NAA50: variants seen among roughly 807,000 people sequenced by gnomAD.
The protein encoded by NAA50 is N-alpha-acetyltransferase 50.
NAA50 carries 7 observed loss-of-function variants against 20.7 expected under a neutral mutation model. That is an observed-to-expected ratio of 0.34 (90% CI 0.19 to 0.63). The LOEUF (loss-of-function observed/expected upper bound fraction) is 0.63. Among genes scored for constraint, NAA50 ranks in the 30% least tolerant of loss-of-function variants. NAA50 has a pLI of 0.75. For synonymous variants in NAA50, 54 were observed against 70.6 expected (o/e 0.77, Z 1.18); for missense variants, 111 against 199.1 (o/e 0.56, Z 2.66).
chr3:113,725,100 G>C (rs1708184952), intron 1 of NAA50, among the ~76,000 whole-genome samples: 1 of 152,192 alleles, frequency 6.6e-6, no homozygotes, highest in Non-Finnish European at 1.5e-5. Flanking sequence ...CCATGGAAAA[G>C]ATTAAAGCGA....
intron 1 of NAA50, among the ~76,000 whole-genome samples, chr3:113,725,344 TAAC>T (rs1189759343): frequency 2.6e-5 from 4 of 152,226 alleles, no homozygotes; most frequent in Admixed American, 6.5e-5. Flanking sequence ...CAACTATATT[TAAC>T]AACGGACTTT....
chr3:113,729,694 C>G (rs908660495), intron 1 of NAA50, among the ~76,000 whole-genome samples: 1 of 151,952 alleles, frequency 6.6e-6, no homozygotes, highest in African/African-American at 2.4e-5. Context: ...AAATGCATGC[C>G]ACCACTTTCA....
intron 1 of NAA50, among the ~76,000 whole-genome samples, chr3:113,738,846 A>G (rs1288562126): frequency 2.0e-5 from 3 of 152,176 alleles, no homozygotes; most frequent in African/African-American, 7.2e-5. Flanking sequence ...TAAGTACAAA[A>G]TATTTTCCTT....
intron 1 of NAA50, chr3:113,740,994 C>T: frequency 2.0e-6 from 1 of 506,648 alleles, no homozygotes; most frequent in Non-Finnish European, 4.0e-6. Flanking sequence ...CACTGTATCT[C>T]CTTCTTTTAC....
rs115413286 is a variant in NAA50 at position 113,743,310 on chromosome 3, G to A, written c.8+2632C>T. ...GGGACTTCCGCAGTTTCCAATTTTA[G>A]ATATTTCAATTTACTGTTTACTTAC... On this transcript the variant is annotated intron_variant, in intron 1 of 4. Coordinates refer to ENST00000240922, the MANE Select transcript of NAA50 (RefSeq NM_025146.4). Among the ~76,000 whole-genome samples the A allele has an allele frequency of 8.8e-3, 1,336 of 152,246 alleles. 16 individuals are homozygous for A. The highest frequency in any genetic ancestry group is 0.03 in the African/African-American group (1,266 of 41,540).
At chr3:113,739,817 GT>G (rs1708389331) in intron 1 of NAA50, among the ~76,000 whole-genome samples, 1 of 152,118 alleles carries the variant, frequency 6.6e-6, no homozygotes, top group Admixed American at 6.6e-5. Context: ...AAAAGATCCT[GT>G]TTTATACAAC....
At chr3:113,735,935 C>T (rs1708335134) in intron 1 of NAA50, among the ~76,000 whole-genome samples, 2 of 152,210 alleles carry the variant, frequency 1.3e-5, no homozygotes, top group South Asian at 2.1e-4. Context: ...GGTCTCTCAC[C>T]TCGGCCCCCG....
chr3:113,740,663 A>G (rs1708402333), intron 1 of NAA50, among the ~76,000 whole-genome samples: 1 of 152,168 alleles, frequency 6.6e-6, no homozygotes, highest in African/African-American at 2.4e-5. Flanking sequence ...AGTGTGAGCC[A>G]CAGTACCCAG....
rs757140602 is a variant in NAA50, at chr3:113,724,026, G to T, written c.78C>A (p.Ile26=). The stretch of plus-strand genomic sequence containing the variant: ...ACTTGTCATTGTAGCTGACTGGAAA[G>T]ATGACCTGATTCAATCTTTTCAACT... ...IKQLKRLNQV[I]FPVSYNDKFY... Residue 26 remains isoleucine, a synonymous_variant, in exon 2 of 5, where the codon ATC becomes ATA. Transcript: ENST00000240922. 20 of 1,611,656 alleles carry T rather than the reference G, an allele frequency of 1.2e-5. No individual in the cohort carries two copies. In the South Asian group the frequency reaches 2.1e-4, roughly 17 times the overall value.
Position 113,721,550 on chromosome 3 carries a change from C to G in NAA50, c.*210G>C. The G allele has an allele frequency of 1.6e-6, 1 of 608,726 alleles. No individual in the cohort carries two copies. Among genetic ancestry groups the G allele is most frequent in the East Asian group, 2.9e-5 (1 of 34,722 alleles). The allele number at this position is 608,726 out of a possible 1,614,324, so 37.7% of individuals were successfully genotyped here. A position where few individuals can be genotyped will look rare whatever the true frequency, so the allele number is the denominator to read the frequency against. ...CTTGTCCTTCCTTCAAACCACCTCA[C>G]AAAAATAAGAGAAAACAATTCAAAC... On this transcript the variant is annotated 3_prime_UTR_variant, in exon 5 of 5. Transcript: ENST00000240922.
intron 1 of NAA50, among the ~76,000 whole-genome samples, chr3:113,735,264 A>C (rs2107992087): frequency 6.6e-6 from 1 of 152,352 alleles, no homozygotes; most frequent in Middle Eastern, 3.4e-3. Context: ...CAAAGAATGG[A>C]TCCCAAACCT....
rs1362869077 is a variant in NAA50 at position 113,745,973 on chromosome 3, G to T, written c.-24C>A. The T allele has an allele frequency of 6.2e-7, 1 of 1,606,074 alleles. No homozygotes were observed. The highest frequency in any genetic ancestry group is 8.5e-7 in the Non-Finnish European group (1 of 1,179,420). ...ATCTTCCCCGCCTGCTGAGGCCGTCGTTACCACCGATATCAACGCCGTCGT... is the reference window on the plus strand; with the variant it reads ...ATCTTCCCCGCCTGCTGAGGCCGTCTTTACCACCGATATCAACGCCGTCGT... On this transcript the variant is annotated 5_prime_UTR_variant, in exon 1 of 5. Transcript: ENST00000240922.
intron 1 of NAA50, among the ~76,000 whole-genome samples, chr3:113,735,616 T>C (rs922321483): frequency 2.6e-5 from 4 of 152,214 alleles, no homozygotes; most frequent in Admixed American, 6.5e-5. Flanking sequence ...TTACTCTGTA[T>C]ATAAGACACA....
intron 1 of NAA50, among the ~76,000 whole-genome samples, chr3:113,740,196 AT>A (rs976127083): frequency 6.6e-6 from 1 of 152,054 alleles, no homozygotes; most frequent in South Asian, 2.1e-4. Context: ...TACCTTAAAA[AT>A]TTTTTTTATT....
At position 113,719,981 on chromosome 3, in the gene NAA50, G is replaced by C. The variant is rs1708113109; in HGVS notation, c.*1779C>G. Reference sequence around the variant, plus strand: ...CTGAAGCTTATTCATGAAGATAAAGGTGCTTAACGCTAAACTTTTCTTCTA... The same window carrying C: ...CTGAAGCTTATTCATGAAGATAAAGCTGCTTAACGCTAAACTTTTCTTCTA... On this transcript the variant is annotated 3_prime_UTR_variant, in exon 5 of 5. Transcript: ENST00000240922. 6.6e-6 allele frequency: 1 copy of C among 152,592 alleles called. No individual in the cohort carries two copies. Among genetic ancestry groups the C allele is most frequent in the Admixed American group, 6.5e-5 (1 of 15,282 alleles). 9.5% of individuals were successfully genotyped at this position (152,592 alleles called of 1,614,324 possible).
At chr3:113,731,189 T>C (rs1028731783) in intron 1 of NAA50, among the ~76,000 whole-genome samples, 10 of 152,182 alleles carry the variant, frequency 6.6e-5, no homozygotes, top group African/African-American at 1.9e-4. Context: ...TAAAAACTGG[T>C]TTTTCTTGAG....
At chr3:113,731,250 A>G (rs968578276) in intron 1 of NAA50, among the ~76,000 whole-genome samples, 8 of 152,188 alleles carry the variant, frequency 5.3e-5, no homozygotes, top group Non-Finnish European at 8.8e-5. Context: ...TATGTTGCAA[A>G]GAATTTTTAC....
Position 113,721,685 on chromosome 3 carries a change from G to A in NAA50, c.*75C>T. 1 of 1,464,754 alleles carries A rather than the reference G, an allele frequency of 6.8e-7. No homozygotes were observed. The highest frequency in any genetic ancestry group is 9.5e-7 in the Non-Finnish European group (1 of 1,052,744). 90.7% of individuals were successfully genotyped at this position (1,464,754 alleles called of 1,614,324 possible). On this transcript the variant is annotated 3_prime_UTR_variant, in exon 5 of 5. Coordinates refer to ENST00000240922, the MANE Select transcript of NAA50 (RefSeq NM_025146.4). ...GAAAAGCTTTAAAAGAAAAGTGTTG[G>A]GGTGGGGGAGGAATCAATGGGCCTC...
rs1229865325 is a variant in NAA50, at chr3:113,728,486, A to G, written c.9-4391T>C. Among the ~76,000 whole-genome samples, 3 of 152,358 alleles carry G rather than the reference A, an allele frequency of 2.0e-5. No individual in the cohort carries two copies. The East Asian group carries it at 5.8e-4, about 29-fold the overall frequency. On this transcript the variant is annotated intron_variant, in intron 1 of 4. Transcript: ENST00000240922. ...ATGGGAAACATTTTGAAGAACGACTAGCTTATCCTGTGGAAGGGCAAGAGA... is the reference window on the plus strand; with the variant it reads ...ATGGGAAACATTTTGAAGAACGACTGGCTTATCCTGTGGAAGGGCAAGAGA...
Sources: gnomAD v4.1 joint callset for allele counts (sites outside exome capture counted in the v4.1 genomes callset) on GRCh38, gnomAD v4.1.1 for gene constraint, MANE v1.5 for transcripts, NCBI Gene and HGNC (gene_info 2026-07-23, HGNC 2026-07-21) for gene names.